ITPRIP: variants seen among roughly 807,000 people sequenced by gnomAD.
ITPRIP encodes the protein inositol 1,4,5-trisphosphate receptor interacting protein, also known as inositol 1,4,5-trisphosphate receptor-interacting protein.
In ITPRIP, 32 loss-of-function variants were observed where a neutral mutation model predicts 35.8. The ratio of observed to expected loss-of-function variants is 0.89; its 90% CI spans 0.68 to 1.20. ITPRIP has a LOEUF of 1.20. Ranked by LOEUF, ITPRIP falls within the 50% of genes most tolerant of loss-of-function variation. The pLI, the probability that ITPRIP is intolerant of heterozygous loss-of-function variation, is 0.00. For missense variants in ITPRIP, 653 were observed against 735.6 expected (o/e 0.89, Z 1.30); for synonymous variants, 358 against 324.0 (o/e 1.11, Z -1.13).
intron 1 of ITPRIP, among the ~76,000 whole-genome samples, chr10:104,329,999 T>C (rs904103837): frequency 2.6e-5 from 4 of 152,188 alleles, no homozygotes; most frequent in Non-Finnish European, 5.9e-5. Flanking sequence ...CTCCACCTCC[T>C]TGTCTTCTTC....
At position 104,337,541 on chromosome 10, in the gene ITPRIP, T is replaced by C. The variant is rs2014261470; in HGVS notation, c.-14+705A>G. Among the ~76,000 whole-genome samples the C allele has an allele frequency of 2.0e-5, 3 of 150,064 alleles. 1 individual carries two copies. In the South Asian group the frequency reaches 6.4e-4, roughly 32 times the overall value. On this transcript the variant is annotated intron_variant, in intron 1 of 1. Transcript: ENST00000337478. ...AAGAGAAAGCGTTTTGGATGGGGAG[T>C]CCCGCCCCGGGAGTCTTCACCAGGC...
chr10:104,314,632 GCTT>G lies in ITPRIP; in HGVS notation c.1417_1419del (p.Lys473del), dbSNP rs773673362. 1.9e-6 allele frequency: 3 copies of G among 1,614,112 alleles called. No individual in the cohort carries two copies. In the South Asian group the frequency reaches 3.3e-5, roughly 18 times the overall value. On this transcript the variant is annotated inframe_deletion, in exon 2 of 2. Transcript: ENST00000337478. ...CGGTTGCCGATGAAGAAGTGGTGGA[GCTT>G]CTTCTGGAGCAAGCTCTTCTCCAGG... is the stretch of plus-strand genomic sequence containing the variant.
Position 104,328,306 on chromosome 10 carries a change from G to A in ITPRIP, c.-14+9940C>T, listed in dbSNP as rs1163172532. 24 of 985,066 alleles carry A rather than the reference G, an allele frequency of 2.4e-5. No individual in the cohort carries two copies. Among genetic ancestry groups the A allele is most frequent in the Non-Finnish European group, 2.7e-5 (22 of 829,774 alleles). 61.0% of individuals were successfully genotyped at this position (985,066 alleles called of 1,614,324 possible). On this transcript the variant is annotated intron_variant, in intron 1 of 1. Coordinates refer to ENST00000337478, the MANE Select transcript of ITPRIP (RefSeq NM_001272013.2). This position sits in a 1 kb window ranked among gnomAD's most constrained non-coding sequence, Gnocchi z 4.1. ...CCGAATTTCCCCTAGCCCTGTGGCC[G>A]CATCTCACCCACAAGGGTGCTGGTT...
chr10:104,335,786 A>G (rs1589897863), intron 1 of ITPRIP, among the ~76,000 whole-genome samples: 1 of 152,346 alleles, frequency 6.6e-6, no homozygotes, highest in Middle Eastern at 3.4e-3. Flanking sequence ...ATGAATGCCC[A>G]GTGATTAAGA....
chr10:104,333,928 G>C lies in ITPRIP; in HGVS notation c.-14+4318C>G, dbSNP rs34349230. On this transcript the variant is annotated intron_variant, in intron 1 of 1. Coordinates refer to ENST00000337478, the MANE Select transcript of ITPRIP (RefSeq NM_001272013.2). The surrounding 1 kb of genome is among the most constrained non-coding windows in gnomAD (Gnocchi z 4.1). ...CACACTGGCCAGGTTTCCAGTCTGC[G>C]CCAGGCACGGTGCTCAGAGCCTTCT... The C allele has an allele frequency of 1.3e-5, 2 of 152,088 alleles. No individual in the cohort carries two copies. The highest frequency in any genetic ancestry group is 2.9e-5 in the Non-Finnish European group (2 of 68,036). 9.4% of individuals were successfully genotyped at this position (152,088 alleles called of 1,614,324 possible). A position where few individuals can be genotyped will look rare whatever the true frequency, so the allele number is the denominator to read the frequency against.
At chr10:104,334,494 C>T (rs543405764) in intron 1 of ITPRIP, among the ~76,000 whole-genome samples, 21 of 152,306 alleles carry the variant, frequency 1.4e-4, no homozygotes, top group East Asian at 7.7e-4. Context: ...ATCGAATTTA[C>T]GCAAATGCAA....
Position 104,314,524 on chromosome 10 carries a change from G to C in ITPRIP, c.1528C>G (p.Arg510Gly), listed in dbSNP as rs376791690. Residue 510 changes from arginine (R) to glycine (G), a missense_variant, in exon 2 of 2, where the codon CGA becomes GGA. Arg to Gly is a moderately radical substitution (Grantham distance 125). Coordinates refer to ENST00000337478, the MANE Select transcript of ITPRIP (RefSeq NM_001272013.2). ...LNLFRPFVLQ[R>G]SLYRKTLDSF... ...TCCAGTGTCTTACGGTAAAGGCTTC[G>C]CTGCAGGACGAAGGGCCGGAAGAGG... 1 of 1,614,196 alleles carries C rather than the reference G, an allele frequency of 6.2e-7. No homozygotes were observed. Among genetic ancestry groups the C allele is most frequent in the East Asian group, 2.2e-5 (1 of 44,880 alleles).
In ITPRIP at chr10:104,314,579, A is replaced by C. The variant is rs1285848187; in HGVS notation, c.1473T>G (p.Pro491=). Residue 491 remains proline (P), a synonymous_variant, in exon 2 of 2, where the codon CCT becomes CCG. Coordinates refer to ENST00000337478, the MANE Select transcript of ITPRIP (RefSeq NM_001272013.2). ...NRKVPEAMGL[P]EAVLRAEPLN... is the part of the protein sequence containing the mutation. ...GGGGCTCGGCCCTGAGCACGGCCTC[A>C]GGGAGTCCCATGGCCTCAGGCACCT... 20 of 1,614,066 alleles carry C rather than the reference A, an allele frequency of 1.2e-5. No individual in the cohort carries two copies. The highest frequency in any genetic ancestry group is 1.2e-4 in the African/African-American group (9 of 74,946).
Position 104,315,703 on chromosome 10 carries a change from C to T in ITPRIP, c.349G>A (p.Gly117Ser). 1 of 1,613,544 alleles carries T rather than the reference C, an allele frequency of 6.2e-7. No homozygotes were observed. The highest frequency in any genetic ancestry group is 8.5e-7 in the Non-Finnish European group (1 of 1,179,978). The change falls in exon 2 of 2, where the codon GGC becomes AGC. Residue 117 changes from glycine to serine, a missense_variant. Coordinates refer to ENST00000337478, the MANE Select transcript of ITPRIP (RefSeq NM_001272013.2). This position sits in a 1 kb window ranked among gnomAD's most constrained non-coding sequence, Gnocchi z 5.7. ...CCAGGCAGCTCATCCTCCTCACCGC[C>T]CAGGCACTCAGGTGAGGGCCCCTCC... Reference protein sequence around the residue: ...HQEGPSPECLGGEEDELPGLG... With the variant: ...HQEGPSPECLSGEEDELPGLG...
Position 104,315,435 on chromosome 10 carries a change from A to G in ITPRIP, c.617T>C (p.Leu206Pro), listed in dbSNP as rs758940656. 6.2e-7 allele frequency: 1 copy of G among 1,605,218 alleles called. No individual in the cohort carries two copies. Among genetic ancestry groups the G allele is most frequent in the Non-Finnish European group, 8.5e-7 (1 of 1,174,104 alleles). The change falls in exon 2 of 2, where the codon CTG becomes CCG. Residue 206 changes from leucine (L) to proline (P), a missense_variant. Leu to Pro is a moderately conservative substitution (Grantham distance 98). Coordinates refer to ENST00000337478, the MANE Select transcript of ITPRIP (RefSeq NM_001272013.2). The surrounding 1 kb of genome is among the most constrained non-coding windows in gnomAD (Gnocchi z 5.7). ...MYENWQVDRP[L>P]LCHLFVPFTP... ...GAAGGGCACGAAAAGGTGGCACAGCAGTGGCCTGTCCACCTGCCAGTTCTC... is the reference window on the plus strand; with the variant it reads ...GAAGGGCACGAAAAGGTGGCACAGCGGTGGCCTGTCCACCTGCCAGTTCTC...
At chr10:104,319,888 C>A (rs545524887) in intron 1 of ITPRIP, among the ~76,000 whole-genome samples, 95 of 152,248 alleles carry the variant, frequency 6.2e-4, no homozygotes, top group South Asian at 1.0e-3. Context: ...CTCTGGAATT[C>A]AGGCACAACT....
chr10:104,337,438 G>A (rs920392857), intron 1 of ITPRIP, among the ~76,000 whole-genome samples: 5 of 152,202 alleles, frequency 3.3e-5, no homozygotes, highest in African/African-American at 1.2e-4. Context: ...AAGGCAAAAT[G>A]AGGCCCCTGC....
In ITPRIP at chr10:104,314,182, C is replaced by G; in HGVS notation, c.*226G>C. 14 of 1,356,288 alleles carry G rather than the reference C, an allele frequency of 1.0e-5. No homozygotes were observed. Among genetic ancestry groups the G allele is most frequent in the Non-Finnish European group, 1.2e-5 (13 of 1,056,476 alleles). The allele number at this position is 1,356,288 out of a possible 1,614,324, so 84.0% of individuals were successfully genotyped here. On this transcript the variant is annotated 3_prime_UTR_variant, in exon 2 of 2. Coordinates refer to ENST00000337478, the MANE Select transcript of ITPRIP (RefSeq NM_001272013.2). Reference sequence around the variant, plus strand: ...AAACTGCAAGGGATCAGTCCCTAAACCCAAATAACAGCTTTACCAGCAGAT... The same window carrying G: ...AAACTGCAAGGGATCAGTCCCTAAAGCCAAATAACAGCTTTACCAGCAGAT...
chr10:104,315,935 G>A lies in ITPRIP; in HGVS notation c.117C>T (p.Arg39=), dbSNP rs752518371. 6.2e-7 allele frequency: 1 copy of A among 1,613,942 alleles called. No homozygotes were observed. The highest frequency in any genetic ancestry group is 1.1e-5 in the South Asian group (1 of 91,074). ...TVPENEEEII[R]KMQAHQEKLQ... is the part of the protein sequence containing the mutation. Reference sequence around the variant, plus strand: ...GCTTCTCCTGGTGCGCCTGCATCTTGCGGATGATCTCCTCCTCGTTCTCGG... The same window carrying A: ...GCTTCTCCTGGTGCGCCTGCATCTTACGGATGATCTCCTCCTCGTTCTCGG... Residue 39 remains arginine, a synonymous_variant, in exon 2 of 2, where the codon CGC becomes CGT. Coordinates refer to ENST00000337478, the MANE Select transcript of ITPRIP (RefSeq NM_001272013.2). The surrounding 1 kb of genome is among the most constrained non-coding windows in gnomAD (Gnocchi z 5.7).
In ITPRIP at chr10:104,314,667, A is replaced by G. The variant is rs2013585923; in HGVS notation, c.1385T>C (p.Leu462Pro). The change falls in exon 2 of 2, where the codon CTG becomes CCG. Residue 462 changes from leucine to proline, a missense_variant. By Grantham distance (98) the Leu-to-Pro change is moderately conservative. Coordinates refer to ENST00000337478, the MANE Select transcript of ITPRIP (RefSeq NM_001272013.2). ...GAGCAAGCTCTTCTCCAGGAAGCAC[A>G]GCAACTCGTGCAGACGAGCGTCCAG... is the stretch of plus-strand genomic sequence containing the variant. The part of the protein sequence containing the change: ...GQLDARLHEL[L>P]CFLEKSLLQK... The G allele has an allele frequency of 1.2e-6, 2 of 1,613,988 alleles. No individual in the cohort carries two copies. The highest frequency in any genetic ancestry group is 1.7e-6 in the Non-Finnish European group (2 of 1,179,958).
Position 104,313,787 on chromosome 10 carries a change from G to A in ITPRIP, c.*621C>T, listed in dbSNP as rs1028362147. Reference sequence around the variant, plus strand: ...TCTATGCCACCAAGTACCCATTTCCGTGTGACAGAGACGTTAGTCATTTGG... The same window carrying A: ...TCTATGCCACCAAGTACCCATTTCCATGTGACAGAGACGTTAGTCATTTGG... On this transcript the variant is annotated 3_prime_UTR_variant, in exon 2 of 2. Coordinates refer to ENST00000337478, the MANE Select transcript of ITPRIP (RefSeq NM_001272013.2). 1.7e-5 allele frequency: 17 copies of A among 985,432 alleles called. No individual in the cohort carries two copies. The highest frequency in any genetic ancestry group is 1.1e-4 in the East Asian group (1 of 8,836). The allele number at this position is 985,432 out of a possible 1,614,324, so 61.0% of individuals were successfully genotyped here. A position where few individuals can be genotyped will look rare whatever the true frequency, so the allele number is the denominator to read the frequency against.
Position 104,335,375 on chromosome 10 carries a change from G to C in ITPRIP, c.-14+2871C>G, listed in dbSNP as rs1589897723. Among the ~76,000 whole-genome samples, 8 of 152,278 alleles carry C rather than the reference G, an allele frequency of 5.3e-5. 2 individuals are homozygous for C. The highest frequency in any genetic ancestry group is 5.2e-4 in the Admixed American group (8 of 15,296). ...ACCACAGATGGGGATTAGGGGTTTG[G>C]AAGGTCAGGACAGTTGTCTCACCTC... On this transcript the variant is annotated intron_variant, in intron 1 of 1. Coordinates refer to ENST00000337478, the MANE Select transcript of ITPRIP (RefSeq NM_001272013.2).
rs544757438 is a variant in ITPRIP, at chr10:104,328,217, G to A, written c.-14+10029C>T. 6.1e-5 allele frequency: 60 copies of A among 985,330 alleles called. No homozygotes were observed. Among genetic ancestry groups the A allele is most frequent in the South Asian group, 5.6e-4 (12 of 21,288 alleles). The allele number at this position is 985,330 out of a possible 1,614,324, so 61.0% of individuals were successfully genotyped here. ...CCGGTTTCTATGCGTGAATCACAGT[G>A]ACAGCAATGCGCCCTCACCACTTCC... is the stretch of plus-strand genomic sequence containing the variant. On this transcript the variant is annotated intron_variant, in intron 1 of 1. Transcript: ENST00000337478. This position sits in a 1 kb window ranked among gnomAD's most constrained non-coding sequence, Gnocchi z 4.1.
intron 1 of ITPRIP, chr10:104,323,637 A>G (rs1203524399): frequency 1.3e-5 from 2 of 152,206 alleles, no homozygotes; most frequent in African/African-American, 4.8e-5. Flanking sequence ...CATGAGTTCT[A>G]CCCTGAGTCT....
Sources: allele counts gnomAD v4.1 joint callset (sites outside exome capture counted in the v4.1 genomes callset), GRCh38; gene constraint gnomAD v4.1.1; non-coding constraint Gnocchi (gnomAD v3.1); transcripts MANE v1.5; gene names NCBI Gene and HGNC (gene_info 2026-07-23, HGNC 2026-07-21).